PTPRN2: variants seen among roughly 807,000 people sequenced by gnomAD.
PTPRN2 encodes the protein receptor-type tyrosine-protein phosphatase N2.
In PTPRN2, 74 loss-of-function variants were observed where a neutral mutation model predicts 118.8. The observed-to-expected ratio is 0.62, with a 90% CI of 0.52 to 0.76. The LOEUF (loss-of-function observed/expected upper bound fraction) is 0.76. Among genes scored for constraint, PTPRN2 ranks in the 30% least tolerant of loss-of-function variants. The pLI is 0.00. For synonymous variants in PTPRN2, 641 were observed against 608.0 expected (o/e 1.05, Z -0.80); for missense variants, 1,481 against 1,394.4 (o/e 1.06, Z -0.99).
intron 12 of PTPRN2, among the ~76,000 whole-genome samples, chr7:157,798,818 G>T (rs984999397): frequency 6.6e-6 from 1 of 151,872 alleles, no homozygotes; most frequent in Admixed American, 6.6e-5. Context: ...AGATGCTGGT[G>T]CTGTGGGGTG....
At chr7:158,070,948 C>T (rs866700259) in intron 11 of PTPRN2, among the ~76,000 whole-genome samples, 110 of 82,538 alleles carry the variant, frequency 1.3e-3, no homozygotes, top group East Asian at 2.4e-3. Flanking sequence ...GTGGAGGTGC[C>T]CGTGGTGGTG....
At chr7:157,542,667 G>C (rs1200300677) in intron 22 of PTPRN2, among the ~76,000 whole-genome samples, 1 of 152,212 alleles carries the variant, frequency 6.6e-6, no homozygotes, top group African/African-American at 2.4e-5. Context: ...CACAGTCACC[G>C]GACAGAGCAG....
At chr7:157,825,822 G>A (rs1429347078) in intron 12 of PTPRN2, among the ~76,000 whole-genome samples, 1 of 152,166 alleles carries the variant, frequency 6.6e-6, no homozygotes, top group African/African-American at 2.4e-5. Flanking sequence ...CTTCTCTGCC[G>A]AGCTCCCAGG....
At position 157,617,862 on chromosome 7, in the gene PTPRN2, C is replaced by T. The variant is rs536595503; in HGVS notation, c.2344+3500G>A. On this transcript the variant is annotated intron_variant, in intron 15 of 22. Transcript: ENST00000389418. The surrounding 1 kb of genome is among the most constrained non-coding windows in gnomAD (Gnocchi z 7.5). ...TCTCTCTGCATTGTTTGTCCTGGTT[C>T]TCTCTCTCTCTCTCGTTATTACAAC... is the stretch of plus-strand genomic sequence containing the variant. 1.3e-5 allele frequency: 2 copies of T among 151,584 alleles called. No homozygotes were observed. The highest frequency in any genetic ancestry group is 4.8e-5 in the African/African-American group (2 of 41,436). 9.4% of individuals were successfully genotyped at this position (151,584 alleles called of 1,614,324 possible).
At chr7:158,343,393 G>A (rs935939463) in intron 2 of PTPRN2, among the ~76,000 whole-genome samples, 5 of 152,136 alleles carry the variant, frequency 3.3e-5, no homozygotes, top group East Asian at 1.9e-4. Context: ...AAAACGAAAC[G>A]AAGCAAAACC....
rs147152992 is a variant in PTPRN2 at position 158,586,443 on chromosome 7, C to G, written c.112+1115G>C. On this transcript the variant is annotated intron_variant, in intron 1 of 22. Coordinates refer to ENST00000389418, the MANE Select transcript of PTPRN2 (RefSeq NM_002847.5). ...GGGTGCAGGCGGCGCTGGGCAACGG[C>G]GAAGGACCCCCCTCCATCCCCGCCT... Among the ~76,000 whole-genome samples, 1,401 of 152,176 alleles carry G rather than the reference C, an allele frequency of 9.2e-3. 14 individuals carry two copies. The highest frequency in any genetic ancestry group is 0.03 in the African/African-American group (1,256 of 41,492).
intron 12 of PTPRN2, among the ~76,000 whole-genome samples, chr7:157,847,894 TAC>T (rs1808978731): frequency 6.6e-6 from 1 of 151,634 alleles, no homozygotes; most frequent in African/African-American, 2.4e-5. Context: ...GCCCGATGTT[TAC>T]AGAGCCCTCT....
chr7:158,348,193 AAGAG>A (rs1807659190), intron 2 of PTPRN2, among the ~76,000 whole-genome samples: 1 of 152,152 alleles, frequency 6.6e-6, no homozygotes, highest in South Asian at 2.1e-4. Flanking sequence ...ACACCACACA[AAGAG>A]AGAGAAACTG....
chr7:157,641,892 T>C (rs1804689934), intron 14 of PTPRN2, among the ~76,000 whole-genome samples: 1 of 152,006 alleles, frequency 6.6e-6, no homozygotes, highest in Non-Finnish European at 1.5e-5. Context: ...GCTCAAGGTG[T>C]TCACTCGAGT....
chr7:158,369,829 T>C (rs555185601), intron 2 of PTPRN2, among the ~76,000 whole-genome samples: 1 of 152,314 alleles, frequency 6.6e-6, no homozygotes, highest in East Asian at 1.9e-4. Context: ...AAGCATCTGA[T>C]TTGTGTTCTC....
intron 3 of PTPRN2, among the ~76,000 whole-genome samples, chr7:158,230,783 T>G (rs1301254879): frequency 6.6e-6 from 1 of 151,692 alleles, no homozygotes. Context: ...TACAAAACAA[T>G]GAAAAAACAA....
intron 21 of PTPRN2, among the ~76,000 whole-genome samples, chr7:157,554,326 G>A (rs1164898342): frequency 1.1e-4 from 12 of 113,260 alleles, no homozygotes; most frequent in Non-Finnish European, 9.1e-5. Flanking sequence ...GCCCGCTCTC[G>A]TGCCCTCCTG....
At chr7:158,137,862 C>T (rs956170362) in intron 7 of PTPRN2, among the ~76,000 whole-genome samples, 2 of 152,170 alleles carry the variant, frequency 1.3e-5, no homozygotes, top group East Asian at 1.9e-4. Flanking sequence ...GGATGCCTGC[C>T]GGGGTAGTGG....
chr7:158,581,671 G>A (rs965076379), intron 1 of PTPRN2, among the ~76,000 whole-genome samples: 1 of 152,110 alleles, frequency 6.6e-6, no homozygotes, highest in African/African-American at 2.4e-5. Context: ...AATGCCCTTG[G>A]TTTTCTGAAT....
intron 11 of PTPRN2, among the ~76,000 whole-genome samples, chr7:158,019,774 C>T (rs761016245): frequency 6.6e-6 from 1 of 152,180 alleles, no homozygotes; most frequent in African/African-American, 2.4e-5. Context: ...CTGGCAATGC[C>T]GGGGGAGCCG....
chr7:157,888,712 C>T (rs1415482952), intron 12 of PTPRN2, among the ~76,000 whole-genome samples: 2 of 152,208 alleles, frequency 1.3e-5, no homozygotes, highest in East Asian at 1.9e-4. Context: ...TTACTGTGAG[C>T]GTTTCCCACA....
Position 158,192,227 on chromosome 7 carries a change from C to T in PTPRN2, c.549+100G>A, listed in dbSNP as rs538558702. Reference sequence around the variant, plus strand: ...GATGCCCGCTGGCCCGGGAAACAGGCGCAAAGCCAAGAGGAGCCAGCGACT... The same window carrying T: ...GATGCCCGCTGGCCCGGGAAACAGGTGCAAAGCCAAGAGGAGCCAGCGACT... On this transcript the variant is annotated intron_variant, in intron 5 of 22. Transcript: ENST00000389418. 7.5e-5 allele frequency: 97 copies of T among 1,291,174 alleles called. No homozygotes were observed. In the East Asian group the frequency reaches 1.8e-3, roughly 25 times the overall value. 80.0% of individuals were successfully genotyped at this position (1,291,174 alleles called of 1,614,324 possible). A position where few individuals can be genotyped will look rare whatever the true frequency, so the allele number is the denominator to read the frequency against.
chr7:157,973,576 G>A (rs905870759), intron 11 of PTPRN2, among the ~76,000 whole-genome samples: 2 of 152,208 alleles, frequency 1.3e-5, no homozygotes, highest in Non-Finnish European at 2.9e-5. Flanking sequence ...CACAGCCACA[G>A]CCGGGTGGGG....
At chr7:157,967,588 G>A (rs118151057) in intron 11 of PTPRN2, among the ~76,000 whole-genome samples, 104 of 152,242 alleles carry the variant, frequency 6.8e-4, no homozygotes, top group African/African-American at 2.2e-3. Context: ...GTGTGTCCCC[G>A]TCCTCACTCA....
Sources: gnomAD v4.1 joint callset for allele counts (sites outside exome capture counted in the v4.1 genomes callset) on GRCh38, gnomAD v4.1.1 for gene constraint, Gnocchi (gnomAD v3.1) non-coding constraint, MANE v1.5 for transcripts, NCBI Gene and HGNC (gene_info 2026-07-23, HGNC 2026-07-21) for gene names.